Variants in MEGF11 observed in about 807,000 individuals in gnomAD.
MEGF11 encodes multiple EGF like domains 11, also known as multiple epidermal growth factor-like domains protein 11.
In MEGF11, 126 loss-of-function variants were observed where a neutral mutation model predicts 146.6. The ratio of observed to expected loss-of-function variants is 0.86; its 90% CI spans 0.74 to 1.00. MEGF11 has a LOEUF of 1.00. MEGF11 is among the 50% of genes least tolerant of loss of function. The probability of loss-of-function intolerance (pLI) is 0.00; values close to 1 mark genes in which losing one functional copy is unlikely to be tolerated. For missense variants in MEGF11, 1,509 were observed against 1,521.2 expected (o/e 0.99, Z 0.13); for synonymous variants, 532 against 583.4 (o/e 0.91, Z 1.27).
At chr15:66,145,219 T>G (rs1349954205) in intron 1 of MEGF11, among the ~76,000 whole-genome samples, 1 of 152,122 alleles carries the variant, frequency 6.6e-6, no homozygotes, top group Non-Finnish European at 1.5e-5. Flanking sequence ...TCCCTCTCCC[T>G]CTTCTAATGA....
At chr15:66,120,041 A>G (rs2087945190) in intron 3 of MEGF11, among the ~76,000 whole-genome samples, 1 of 152,200 alleles carries the variant, frequency 6.6e-6, no homozygotes, top group African/African-American at 2.4e-5. Flanking sequence ...TATGAATAAG[A>G]AAACTAAAAT....
At chr15:66,098,445 T>C (rs1176338622) in intron 4 of MEGF11, among the ~76,000 whole-genome samples, 1 of 152,220 alleles carries the variant, frequency 6.6e-6, no homozygotes, top group African/African-American at 2.4e-5. Flanking sequence ...ATGGTCTTAC[T>C]AGTTAATGGA....
chr15:65,987,757 C>A (rs1163056305), intron 5 of MEGF11, among the ~76,000 whole-genome samples: 1 of 152,164 alleles, frequency 6.6e-6, no homozygotes, highest in African/African-American at 2.4e-5. Flanking sequence ...GTCACCCAGG[C>A]TGGAGTGCAG....
chr15:65,982,177 C>A lies in MEGF11; in HGVS notation c.641+65G>T. Reference sequence around the variant, plus strand: ...CCCTCCACCTCCTCTACCCTCCCCACCCAGGCACCCTCCAGGTCCCGCCCC... The same window carrying A: ...CCCTCCACCTCCTCTACCCTCCCCAACCAGGCACCCTCCAGGTCCCGCCCC... On this transcript the variant is annotated intron_variant, in intron 6 of 25. Coordinates refer to ENST00000395614, the MANE Select transcript of MEGF11 (RefSeq NM_001385028.1). The surrounding 1 kb of genome is among the most constrained non-coding windows in gnomAD (Gnocchi z 5.6). The A allele has an allele frequency of 6.7e-7, 1 of 1,489,156 alleles. No individual in the cohort carries two copies. The highest frequency in any genetic ancestry group is 8.9e-7 in the Non-Finnish European group (1 of 1,119,136). The allele number at this position is 1,489,156 out of a possible 1,614,324, so 92.2% of individuals were successfully genotyped here.
chr15:65,963,308 C>T (rs759542876), intron 9 of MEGF11, among the ~76,000 whole-genome samples: 2 of 152,218 alleles, frequency 1.3e-5, no homozygotes, highest in Non-Finnish European at 2.9e-5. Context: ...CCAAACCCAG[C>T]CCAGATGCCA....
chr15:66,133,516 G>A (rs1191948349), intron 1 of MEGF11, among the ~76,000 whole-genome samples: 6 of 152,206 alleles, frequency 3.9e-5, no homozygotes, highest in Non-Finnish European at 2.9e-5. Flanking sequence ...AGCCAAGTTT[G>A]CACACAATGG....
At chr15:65,939,900 G>C (rs545872286) in intron 10 of MEGF11, among the ~76,000 whole-genome samples, 2 of 152,284 alleles carry the variant, frequency 1.3e-5, no homozygotes, top group South Asian at 4.1e-4. Flanking sequence ...AAAAAATTCA[G>C]CTCTCATTTA....
chr15:66,073,178 C>T (rs1246812662), intron 5 of MEGF11, among the ~76,000 whole-genome samples: 1 of 152,102 alleles, frequency 6.6e-6, no homozygotes, highest in East Asian at 1.9e-4. Context: ...AGATGAATGG[C>T]GAGGCCTCTG....
intron 20 of MEGF11, chr15:65,913,466 C>A (rs376909438): frequency 3.6e-6 from 2 of 561,712 alleles, no homozygotes; most frequent in Non-Finnish European, 6.4e-6. Flanking sequence ...CTCCTGAGGC[C>A]GAAGGCTGGT....
Position 65,897,783 on chromosome 15 carries a change from C to G in MEGF11, c.*151G>C, listed in dbSNP as rs992964139. On this transcript the variant is annotated 3_prime_UTR_variant, in exon 26 of 26. Transcript: ENST00000395614. ...AATTCCTTGAACAATTATCCCAGTC[C>G]CACCTGGACGCTCTTCTTTAGTTCC... 8.6e-6 allele frequency: 6 copies of G among 701,098 alleles called. No individual in the cohort carries two copies. Among genetic ancestry groups the G allele is most frequent in the Admixed American group, 3.2e-5 (1 of 31,224 alleles). The allele number at this position is 701,098 out of a possible 1,614,324, so 43.4% of individuals were successfully genotyped here.
At chr15:66,110,760 G>T (rs7180757) in intron 4 of MEGF11, among the ~76,000 whole-genome samples, 5,252 of 152,188 alleles carry the variant, frequency 0.035, 288 homozygotes, top group African/African-American at 0.11. Context: ...GTTTAGCAGG[G>T]AGTTTTTACC....
intron 4 of MEGF11, among the ~76,000 whole-genome samples, chr15:66,102,315 G>A (rs1442034354): frequency 4.3e-4 from 1 of 2,316 alleles, no homozygotes; most frequent in Non-Finnish European, 5.1e-3. Flanking sequence ...AGAGCAAGCA[G>A]AGCCATGACT....
chr15:65,916,898 C>T lies in MEGF11; in HGVS notation c.2145G>A (p.Gly715=). 1 of 1,581,584 alleles carries T rather than the reference C, an allele frequency of 6.3e-7. No homozygotes were observed. Among genetic ancestry groups the T allele is most frequent in the Non-Finnish European group, 8.6e-7 (1 of 1,163,476 alleles). The change falls in exon 17 of 26, where the codon GGG becomes GGA. Residue 715 remains glycine, a synonymous_variant. Transcript: ENST00000395614. The stretch of plus-strand genomic sequence containing the variant: ...CCCCGTCCTCGGCGCTGCAGCTCGC[C>T]CCGTTGTGGCAGCTGCATGCGTGGA... ...ACFHACSCHN[G]ASCSAEDGAC...
At chr15:66,065,297 T>C (rs558750513) in intron 5 of MEGF11, among the ~76,000 whole-genome samples, 6 of 146,464 alleles carry the variant, frequency 4.1e-5, no homozygotes, top group African/African-American at 1.5e-4. Flanking sequence ...TATTCTATGA[T>C]GGTGAAAAAA....
chr15:66,063,179 C>T (rs1217231307), intron 5 of MEGF11, among the ~76,000 whole-genome samples: 1 of 152,184 alleles, frequency 6.6e-6, no homozygotes, highest in Non-Finnish European at 1.5e-5. Flanking sequence ...TGCACCTAGA[C>T]AAATTGATAC....
rs1282468242 is a variant in MEGF11, at chr15:65,982,944, G to A, written c.395-456C>T. Among the ~76,000 whole-genome samples the A allele has an allele frequency of 6.6e-6, 1 of 151,832 alleles. No individual in the cohort carries two copies. Among genetic ancestry groups the A allele is most frequent in the Non-Finnish European group, 1.5e-5 (1 of 67,984 alleles). On this transcript the variant is annotated intron_variant, in intron 5 of 25. Coordinates refer to ENST00000395614, the MANE Select transcript of MEGF11 (RefSeq NM_001385028.1). The surrounding 1 kb of genome is among the most constrained non-coding windows in gnomAD (Gnocchi z 5.6). ...CTACCCCTCTCTTCTTGGGACCTGC[G>A]GGACCCAGCCCATTCCAGCTCCCAT...
chr15:65,897,898 C>A lies in MEGF11; in HGVS notation c.*36G>T. 1 of 1,591,996 alleles carries A rather than the reference C, an allele frequency of 6.3e-7. No homozygotes were observed. Among genetic ancestry groups the A allele is most frequent in the Non-Finnish European group, 8.6e-7 (1 of 1,167,834 alleles). ...TGTCTTCTTTCAGAGTCAGAATATTCAGTAGAGCACACTGCAAGAGAGAAG... is the reference window on the plus strand; with the variant it reads ...TGTCTTCTTTCAGAGTCAGAATATTAAGTAGAGCACACTGCAAGAGAGAAG... On this transcript the variant is annotated 3_prime_UTR_variant, in exon 26 of 26. Transcript: ENST00000395614.
At chr15:65,919,872 G>T (rs552540809) in intron 15 of MEGF11, among the ~76,000 whole-genome samples, 36 of 152,280 alleles carry the variant, frequency 2.4e-4, no homozygotes, top group East Asian at 5.8e-4. Context: ...GCCTCCCAAA[G>T]TGCTGGGATT....
At chr15:65,995,197 A>G (rs1176623280) in intron 5 of MEGF11, among the ~76,000 whole-genome samples, 1 of 152,240 alleles carries the variant, frequency 6.6e-6, no homozygotes, top group Non-Finnish European at 1.5e-5. Flanking sequence ...CTGGCAGGGC[A>G]GCCTGGAAAG....
Sources: allele counts gnomAD v4.1 joint callset (sites outside exome capture counted in the v4.1 genomes callset), GRCh38; gene constraint gnomAD v4.1.1; non-coding constraint Gnocchi (gnomAD v3.1); transcripts MANE v1.5; gene names NCBI Gene and HGNC (gene_info 2026-07-23, HGNC 2026-07-21).